Variants in HAUS6 observed in about 807,000 individuals in gnomAD.
HAUS6 encodes HAUS augmin-like complex subunit 6.
A neutral mutation model predicts 106.8 loss-of-function variants in HAUS6; 80 were observed. The ratio of observed to expected loss-of-function variants is 0.75; its 90% confidence interval spans 0.63 to 0.90. HAUS6 has a LOEUF of 0.90. Ranked by LOEUF, HAUS6 falls within the 40% of genes least tolerant of loss-of-function variation. HAUS6 has a pLI of 0.00. For synonymous variants in HAUS6, 356 were observed against 379.1 expected, an observed-to-expected ratio of 0.94 and a Z score of 0.71; for missense variants, 1,155 against 1,118.1, an observed-to-expected ratio of 1.03 and a Z score of -0.47.
chr9:19,067,997 CAAAAAAAAA>C (rs201446137), intron 12 of HAUS6, among the ~76,000 whole-genome samples: 1 of 144,650 alleles, frequency 6.9e-6, no homozygotes, highest in Non-Finnish European at 1.5e-5. Flanking sequence ...CCTGGCCCCC[CAAAAAAAAA>C]AGTTATCTTG....
At position 19,078,420 on chromosome 9, in the gene HAUS6, C is replaced by G; in HGVS notation, c.1065-118G>C. The G allele has an allele frequency of 9.8e-6, 6 of 613,448 alleles. No homozygotes were observed. In the South Asian group the frequency reaches 1.1e-4, roughly 11 times the overall value. The allele number at this position is 613,448 out of a possible 1,614,324, so 38.0% of individuals were successfully genotyped here. On this transcript the variant is annotated intron_variant, in intron 9 of 16. Coordinates refer to ENST00000380502, the MANE Select transcript of HAUS6 (RefSeq NM_017645.5). ...AAGGAAATAGAAGTGAAAGTTCAAT[C>G]AATATACCACATATAAATTAAATAA...
At chr9:19,096,817 A>G in intron 1 of HAUS6, 48 bp from the exon 2 acceptor site, 1 of 861,302 alleles carries the variant, frequency 1.2e-6, no homozygotes. Flanking sequence ...AAGGTTAATA[A>G]GCTAAACATC....
At chr9:19,099,556 C>G (rs1482396658) in intron 1 of HAUS6, among the ~76,000 whole-genome samples, 1 of 152,106 alleles carries the variant, frequency 6.6e-6, no homozygotes, top group African/African-American at 2.4e-5. Context: ...CCTCAAACTC[C>G]TGGGCTCAAG....
chr9:19,086,722 A>C lies in HAUS6; in HGVS notation c.699+12T>G. The C allele has an allele frequency of 8.6e-7, 1 of 1,167,154 alleles. No individual in the cohort carries two copies. The highest frequency in any genetic ancestry group is 1.5e-5 in the African/African-American group (1 of 65,404). 72.3% of individuals were successfully genotyped at this position (1,167,154 alleles called of 1,614,324 possible). A position where few individuals can be genotyped will look rare whatever the true frequency, so the allele number is the denominator to read the frequency against. On this transcript the variant is annotated intron_variant, in intron 7 of 16. Transcript: ENST00000380502. Reference sequence around the variant, plus strand: ...TAAAAGATTAAATTTCTCCTTTTATAAGTTGTCTCACCTTTTGAATTTTTT... The same window carrying C: ...TAAAAGATTAAATTTCTCCTTTTATCAGTTGTCTCACCTTTTGAATTTTTT...
intron 11 of HAUS6, among the ~76,000 whole-genome samples, chr9:19,075,468 A>G (rs754762259): frequency 2.0e-5 from 3 of 152,208 alleles, no homozygotes; most frequent in African/African-American, 7.2e-5. Flanking sequence ...AATACTGCAC[A>G]TGTGGTGCCT....
chr9:19,085,490 A>G (rs1201291539), intron 7 of HAUS6, among the ~76,000 whole-genome samples: 1 of 152,104 alleles, frequency 6.6e-6, no homozygotes, highest in Admixed American at 6.6e-5. Context: ...CTGAATAAAA[A>G]TATTTCCTGA....
chr9:19,095,951 G>A (rs190671626), intron 2 of HAUS6, among the ~76,000 whole-genome samples: 98 of 152,174 alleles, frequency 6.4e-4, no homozygotes, highest in African/African-American at 2.2e-3. Flanking sequence ...ACAGATAGCC[G>A]TGTAGACAAA....
intron 2 of HAUS6, among the ~76,000 whole-genome samples, chr9:19,096,186 T>C (rs1484833667): frequency 6.6e-6 from 1 of 152,120 alleles, no homozygotes; most frequent in Non-Finnish European, 1.5e-5. Context: ...TCACCCAGAT[T>C]TATAAAGATT....
intron 1 of HAUS6, among the ~76,000 whole-genome samples, chr9:19,099,631 T>TA (rs1817944863): frequency 6.6e-6 from 1 of 152,130 alleles, no homozygotes; most frequent in African/African-American, 2.4e-5. Flanking sequence ...ATGCCTAGCC[T>TA]AATTGCATTT....
intron 4 of HAUS6, 113 bp from the exon 5 acceptor site, chr9:19,089,672 A>T: frequency 1.5e-6 from 1 of 648,862 alleles, no homozygotes; most frequent in East Asian, 3.0e-5. Flanking sequence ...CCCACTGCTA[A>T]ATCTGATTGA....
intron 9 of HAUS6, among the ~76,000 whole-genome samples, 181 bp from the exon 10 acceptor site, chr9:19,078,483 T>G (rs1420401412): frequency 6.6e-6 from 1 of 152,116 alleles, no homozygotes; most frequent in African/African-American, 2.4e-5. Flanking sequence ...AAAATACCTT[T>G]CTCTTTTTAT....
chr9:19,062,069 G>A (rs938616612), intron 14 of HAUS6, among the ~76,000 whole-genome samples: 8 of 152,174 alleles, frequency 5.3e-5, no homozygotes, highest in African/African-American at 1.4e-4. Context: ...AATAACATTA[G>A]CAAATAACTT....
intron 1 of HAUS6, among the ~76,000 whole-genome samples, 173 bp from the exon 2 acceptor site, chr9:19,096,942 C>G (rs1043654333): frequency 2.0e-5 from 3 of 152,076 alleles, no homozygotes; most frequent in African/African-American, 4.8e-5. Flanking sequence ...GAAAAACATA[C>G]AAGCTTTCAT....
chr9:19,096,599 T>C, intron 2 of HAUS6, 75 bp downstream of exon 2: 1 of 572,112 alleles, frequency 1.7e-6, no homozygotes, highest in South Asian at 2.0e-5. Context: ...AGGAGAGAAT[T>C]CTGGCTTGTA....
chr9:19,074,121 C>T (rs887309632), intron 11 of HAUS6, among the ~76,000 whole-genome samples: 1 of 152,038 alleles, frequency 6.6e-6, no homozygotes, highest in African/African-American at 2.4e-5. Context: ...GCAGAGTGTG[C>T]CTGTAATCCC....
Position 19,057,939 on chromosome 9 carries a change from CA to C in HAUS6, c.2806+21del. The C allele has an allele frequency of 3.5e-6, 5 of 1,426,344 alleles. 1 individual carries two copies. In the Middle Eastern group the frequency reaches 9.0e-4, roughly 256 times the overall value. 88.4% of individuals were successfully genotyped at this position (1,426,344 alleles called of 1,614,324 possible). A position where few individuals can be genotyped will look rare whatever the true frequency, so the allele number is the denominator to read the frequency against. On this transcript the variant is annotated intron_variant, in intron 16 of 16. Coordinates refer to ENST00000380502, the MANE Select transcript of HAUS6 (RefSeq NM_017645.5). Reference sequence around the variant, plus strand: ...GAGAAAACTTCAACAGGTGAATATGCATAGGTCTATTTAAACCTTACCCTTT... The same window carrying C: ...GAGAAAACTTCAACAGGTGAATATGCTAGGTCTATTTAAACCTTACCCTTT...
Position 19,079,660 on chromosome 9 carries a change from C to T in HAUS6, c.1064+819G>A, listed in dbSNP as rs140826247. Among the ~76,000 whole-genome samples the T allele has an allele frequency of 4.2e-3, 636 of 152,124 alleles. 3 individuals carry two copies. Among genetic ancestry groups the T allele is most frequent in the African/African-American group, 0.015 (608 of 41,524 alleles). ...CTTTCTGGTTAATAAAAAAACTGTTCGAAAGGCTGAGGCAGGCGGATCACC... is the reference window on the plus strand; with the variant it reads ...CTTTCTGGTTAATAAAAAAACTGTTTGAAAGGCTGAGGCAGGCGGATCACC... On this transcript the variant is annotated intron_variant, in intron 9 of 16. Transcript: ENST00000380502.
rs755952116 is a variant in HAUS6, at chr9:19,093,252, G to A, written c.355C>T (p.Pro119Ser). 1.1e-5 allele frequency: 18 copies of A among 1,610,236 alleles called. No individual in the cohort carries two copies. The highest frequency in any genetic ancestry group is 1.4e-5 in the Non-Finnish European group (16 of 1,177,624). Residue 119 changes from proline to serine, a missense_variant, in exon 4 of 17, where the codon CCT becomes TCT. By Grantham distance (74) the Pro-to-Ser change is moderately conservative (BLOSUM62 -1). Around this residue, in one of 3 missense-constraint regions of HAUS6, gnomAD observed 761 missense variants for 690.0 expected, o/e 1.10. Transcript: ENST00000380502. ...PQVVGSLFLS[P>S]GGPKFIHLMY... ...AGATGAATAAACTTAGGACCACCAG[G>A]AGAAAGAAATAGTGAACCAACAACT...
intron 14 of HAUS6, 65 bp from the exon 15 acceptor site, chr9:19,060,288 C>A (rs1836579152): frequency 7.8e-7 from 1 of 1,288,062 alleles, no homozygotes; most frequent in Non-Finnish European, 1.0e-6. Context: ...CAACAAAACC[C>A]CTGATAAGGA....
Sources: gnomAD v4.1 joint callset for allele counts (sites outside exome capture counted in the v4.1 genomes callset) on GRCh38, gnomAD v4.1.1 for gene constraint, gnomAD v4.1.1 regional missense constraint, MANE v1.5 for transcripts, NCBI Gene and HGNC (gene_info 2026-07-23, HGNC 2026-07-21) for gene names.